The following YTHDF3 variants were observed in gnomAD, a reference collection of about 807,000 sequenced individuals.
YTHDF3 encodes YTH N6-methyladenosine RNA binding protein F3.
YTHDF3 carries 9 observed loss-of-function variants against 52.5 expected under a neutral mutation model. The ratio of observed to expected loss-of-function variants is 0.17; its 90% confidence interval spans 0.10 to 0.30. The LOEUF (loss-of-function observed/expected upper bound fraction) is 0.30. YTHDF3 is among the 10% of genes least tolerant of loss of function. The probability of loss-of-function intolerance (pLI) is 1.00; values close to 1 mark genes in which losing one functional copy is unlikely to be tolerated. For missense variants in YTHDF3, 534 were observed against 715.0 expected, an observed-to-expected ratio of 0.75 and a Z score of 2.89; for synonymous variants, 274 against 243.3, an observed-to-expected ratio of 1.13 and a Z score of -1.18.
At chr8:63,176,324 C>T (rs373110819) in intron 3 of YTHDF3, among the ~76,000 whole-genome samples, 1 of 152,306 alleles carries the variant, frequency 6.6e-6, no homozygotes, top group African/African-American at 2.4e-5. Context: ...CTCTGTCGCC[C>T]AGGCTGGAGT....
rs2150373555 is a variant in YTHDF3, at chr8:63,186,858, G to C, written c.847G>C (p.Gly283Arg). Residue 283 changes from glycine (G) to arginine (R), a missense_variant, in exon 4 of 5, where the codon GGG becomes CGG. Gly to Arg is a moderately radical substitution (Grantham distance 125, BLOSUM62 -2). This residue lies in a region of YTHDF3 where 203 missense variants were observed against 201.3 expected (regional missense o/e 1.01). Transcript: ENST00000539294. Reference protein sequence around the residue: ...NMNIGTWDEKGSVVKAPPTQP... With the variant: ...NMNIGTWDEKRSVVKAPPTQP... Reference sequence around the variant, plus strand: ...GAATATTGGAACTTGGGATGAAAAAGGGTCAGTGGTAAAGGCTCCACCAAC... The same window carrying C: ...GAATATTGGAACTTGGGATGAAAAACGGTCAGTGGTAAAGGCTCCACCAAC... 2 of 1,613,920 alleles carry C rather than the reference G, an allele frequency of 1.2e-6. No homozygotes were observed. The highest frequency in any genetic ancestry group is 1.7e-6 in the Non-Finnish European group (2 of 1,179,882).
chr8:63,174,474 C>G (rs1807555713), intron 2 of YTHDF3, among the ~76,000 whole-genome samples: 1 of 152,148 alleles, frequency 6.6e-6, no homozygotes, highest in Non-Finnish European at 1.5e-5. Flanking sequence ...AGCGAACAGT[C>G]AAAGGTTAGA....
At chr8:63,176,304 C>T (rs1009088273) in intron 3 of YTHDF3, among the ~76,000 whole-genome samples, 3 of 152,138 alleles carry the variant, frequency 2.0e-5, no homozygotes, top group Admixed American at 1.3e-4. Flanking sequence ...ATTTTTGAGA[C>T]GGAGTCTCGC....
At chr8:63,180,943 C>T (rs1379996179) in intron 3 of YTHDF3, among the ~76,000 whole-genome samples, 2 of 152,178 alleles carry the variant, frequency 1.3e-5, no homozygotes, top group South Asian at 2.1e-4. Flanking sequence ...AGCTTCGGCT[C>T]GGCATCAGAG....
chr8:63,199,789 T>G (rs1486054392), intron 4 of YTHDF3, among the ~76,000 whole-genome samples: 1 of 152,310 alleles, frequency 6.6e-6, no homozygotes, highest in African/African-American at 2.4e-5. Context: ...TTTTTTAATT[T>G]ATAAAAATCT....
chr8:63,203,804 A>T (rs1809803563), intron 4 of YTHDF3, among the ~76,000 whole-genome samples: 1 of 152,208 alleles, frequency 6.6e-6, no homozygotes, highest in African/African-American at 2.4e-5. Flanking sequence ...GGTATTTTGT[A>T]AGATATCCCT....
At chr8:63,190,546 C>T (rs772167140) in intron 4 of YTHDF3, among the ~76,000 whole-genome samples, 10 of 152,038 alleles carry the variant, frequency 6.6e-5, no homozygotes, top group Admixed American at 2.0e-4. Flanking sequence ...ATTTTAAGTC[C>T]AGCCTAAAGG....
At chr8:63,198,443 T>C (rs1257107857) in intron 4 of YTHDF3, among the ~76,000 whole-genome samples, 1 of 152,094 alleles carries the variant, frequency 6.6e-6, no homozygotes, top group African/African-American at 2.4e-5. Context: ...ATTTTTGTAT[T>C]TTTAGTAGAG....
rs1392837904 is a variant in YTHDF3, at chr8:63,209,754, C to G, written c.*48C>G. Reference sequence around the variant, plus strand: ...ATTTACAACACTAACGATGTAGACTCTGGAAATGCCTAATAAGTCAAAGAA... The same window carrying G: ...ATTTACAACACTAACGATGTAGACTGTGGAAATGCCTAATAAGTCAAAGAA... On this transcript the variant is annotated 3_prime_UTR_variant, in exon 5 of 5. Transcript: ENST00000539294. 1.3e-6 allele frequency: 2 copies of G among 1,521,204 alleles called. No individual in the cohort carries two copies. Among genetic ancestry groups the G allele is most frequent in the African/African-American group, 2.8e-5 (2 of 70,892 alleles). 94.2% of individuals were successfully genotyped at this position (1,521,204 alleles called of 1,614,324 possible).
intron 3 of YTHDF3, among the ~76,000 whole-genome samples, chr8:63,179,411 G>T (rs1274538989): frequency 3.3e-5 from 5 of 152,088 alleles, no homozygotes; most frequent in Non-Finnish European, 7.4e-5. Flanking sequence ...TTAGGGAGTG[G>T]TGATGACTCT....
intron 4 of YTHDF3, among the ~76,000 whole-genome samples, chr8:63,197,905 A>G (rs1809342372): frequency 6.6e-6 from 1 of 152,184 alleles, no homozygotes; most frequent in African/African-American, 2.4e-5. Flanking sequence ...GTTGTAGTGA[A>G]TGTGAGTCAT....
intron 4 of YTHDF3, among the ~76,000 whole-genome samples, chr8:63,191,012 C>T (rs1808876769): frequency 6.6e-6 from 1 of 152,108 alleles, no homozygotes; most frequent in African/African-American, 2.4e-5. Flanking sequence ...AACCATTTAG[C>T]TGGGTATAGA....
intron 4 of YTHDF3, among the ~76,000 whole-genome samples, chr8:63,194,511 AT>A (rs1311995009): frequency 6.6e-6 from 1 of 152,132 alleles, no homozygotes; most frequent in African/African-American, 2.4e-5. Flanking sequence ...TAAAAAAAAA[AT>A]AAATAAATTT....
In YTHDF3 at chr8:63,199,640, A is replaced by G. The variant is rs372727228; in HGVS notation, c.1735-10043A>G. On this transcript the variant is annotated intron_variant, in intron 4 of 4. Transcript: ENST00000539294. ...ATGTGACATTCAGTTTCTTAATTTA[A>G]GGTATGTGTGTCCAAGGAAAGAATA... Among the ~76,000 whole-genome samples the G allele has an allele frequency of 2.6e-5, 4 of 152,308 alleles. No homozygotes were observed. The East Asian group carries it at 7.7e-4, about 29-fold the overall frequency.
At chr8:63,202,093 C>G (rs187109411) in intron 4 of YTHDF3, among the ~76,000 whole-genome samples, 54 of 152,322 alleles carry the variant, frequency 3.5e-4, no homozygotes, top group African/African-American at 1.3e-3. Context: ...ACTCAGTCTA[C>G]TTAGGAAGCC....
At chr8:63,177,226 C>T (rs1394336732) in intron 3 of YTHDF3, among the ~76,000 whole-genome samples, 1 of 152,120 alleles carries the variant, frequency 6.6e-6, no homozygotes, top group Non-Finnish European at 1.5e-5. Context: ...AAAAGTAGTT[C>T]CCAATTTGTG....
chr8:63,201,980 A>G (rs897316254), intron 4 of YTHDF3, among the ~76,000 whole-genome samples: 3 of 152,158 alleles, frequency 2.0e-5, no homozygotes, highest in Non-Finnish European at 4.4e-5. Flanking sequence ...ATGCCACCAT[A>G]TATTTAGATC....
chr8:63,186,689 C>T lies in YTHDF3; in HGVS notation c.678C>T (p.Pro226=). The T allele has an allele frequency of 6.2e-7, 1 of 1,613,878 alleles. No homozygotes were observed. The highest frequency in any genetic ancestry group is 8.5e-7 in the Non-Finnish European group (1 of 1,179,882). The part of the protein sequence containing the change: ...GMTSIATNSV[P]PVSSAAPKPT... Reference sequence around the variant, plus strand: ...CTAGCATTGCAACCAATAGTGTGCCCCCAGTTAGCAGTGCAGCACCTAAAC... The same window carrying T: ...CTAGCATTGCAACCAATAGTGTGCCTCCAGTTAGCAGTGCAGCACCTAAAC... Residue 226 remains proline, a synonymous_variant, in exon 4 of 5, where the codon CCC becomes CCT. Transcript: ENST00000539294.
rs1396387385 is a variant in YTHDF3, at chr8:63,172,286, T to A, written c.49+2875T>A. 3.3e-5 allele frequency among the ~76,000 whole-genome samples: 5 copies of A among 152,308 alleles called. No homozygotes were observed. In the East Asian group the frequency reaches 9.7e-4, roughly 29 times the overall value. On this transcript the variant is annotated intron_variant, in intron 2 of 4. Coordinates refer to ENST00000539294, the MANE Select transcript of YTHDF3 (RefSeq NM_152758.6). ...TTTGGGAGTACTATGGTTGGAAGTG[T>A]CAGATGCCATACTTACAGTCTTAGG...
Sources: allele counts gnomAD v4.1 joint callset (sites outside exome capture counted in the v4.1 genomes callset), GRCh38; gene constraint gnomAD v4.1.1; regional missense constraint gnomAD v4.1.1; transcripts MANE v1.5; gene names NCBI Gene and HGNC (gene_info 2026-07-23, HGNC 2026-07-21).